ROBO2: variants seen among roughly 807,000 people sequenced by gnomAD.
The protein encoded by ROBO2 is roundabout homolog 2.
A neutral mutation model predicts 160.8 loss-of-function variants in ROBO2; 53 were observed. The ratio of observed to expected loss-of-function variants is 0.33; its 90% confidence interval spans 0.26 to 0.41. ROBO2 has a LOEUF of 0.41. ROBO2 is among the 10% of genes least tolerant of loss of function. ROBO2 has a pLI of 1.00. For synonymous variants in ROBO2, 664 were observed against 611.7 expected, an observed-to-expected ratio of 1.09 and a Z score of -1.26; for missense variants, 1,577 against 1,722.4, an observed-to-expected ratio of 0.92 and a Z score of 1.49.
At chr3:76,407,475 T>A (rs1302007082) in intron 2 of ROBO2, among the ~76,000 whole-genome samples, 1 of 144,436 alleles carries the variant, frequency 6.9e-6, no homozygotes, top group Non-Finnish European at 1.5e-5. Context: ...CAACATAGTA[T>A]GTTTGAAGCA....
intron 2 of ROBO2, among the ~76,000 whole-genome samples, chr3:76,228,262 T>C (rs1164878901): frequency 3.3e-5 from 5 of 152,222 alleles, no homozygotes; most frequent in Non-Finnish European, 7.4e-5. Flanking sequence ...AGACAGCAAA[T>C]GGATTATGGC....
At chr3:76,219,512 G>A (rs368811684) in intron 2 of ROBO2, among the ~76,000 whole-genome samples, 252 of 152,158 alleles carry the variant, frequency 1.7e-3, no homozygotes, top group African/African-American at 3.1e-3. Context: ...AAAAGTGGGC[G>A]AAGGACATGA....
chr3:77,468,594 G>T (rs1406388756), intron 2 of ROBO2, among the ~76,000 whole-genome samples: 3 of 152,164 alleles, frequency 2.0e-5, no homozygotes, highest in Admixed American at 6.5e-5. Flanking sequence ...CTAAAAAAAG[G>T]ATTCAAGAAT....
At chr3:77,623,321 C>G (rs1281535850) in intron 23 of ROBO2, among the ~76,000 whole-genome samples, 1 of 152,188 alleles carries the variant, frequency 6.6e-6, no homozygotes, top group African/African-American at 2.4e-5. Context: ...CCACTCATAT[C>G]TGTATTTACC....
chr3:77,463,429 G>C (rs1280459152), intron 2 of ROBO2, among the ~76,000 whole-genome samples: 3 of 151,948 alleles, frequency 2.0e-5, no homozygotes, highest in Non-Finnish European at 2.9e-5. Context: ...TTTGTTTTTA[G>C]AATTATATTA....
At chr3:77,160,537 A>T (rs1036750950) in intron 2 of ROBO2, among the ~76,000 whole-genome samples, 22 of 152,132 alleles carry the variant, frequency 1.4e-4, no homozygotes, top group African/African-American at 5.1e-4. Context: ...TATGTCAGAG[A>T]GGCTGATATA....
chr3:77,080,784 A>G (rs2068573013), intron 1 of ROBO2, among the ~76,000 whole-genome samples: 1 of 152,142 alleles, frequency 6.6e-6, no homozygotes, highest in Admixed American at 6.6e-5. Context: ...AAGCTTGAAA[A>G]CATTTGCTCG....
At chr3:76,362,886 C>A (rs530012938) in intron 2 of ROBO2, among the ~76,000 whole-genome samples, 1 of 152,014 alleles carries the variant, frequency 6.6e-6, no homozygotes, top group East Asian at 1.9e-4. Flanking sequence ...GAAACTGTTA[C>A]GCCAGTCACT....
chr3:77,513,952 A>C (rs1387203827), intron 5 of ROBO2, among the ~76,000 whole-genome samples: 1 of 151,854 alleles, frequency 6.6e-6, no homozygotes, highest in Non-Finnish European at 1.5e-5. Flanking sequence ...CTTGGCAACA[A>C]TGACTGCATT....
chr3:76,510,261 T>G (rs2107740015), intron 2 of ROBO2, among the ~76,000 whole-genome samples: 1 of 152,348 alleles, frequency 6.6e-6, no homozygotes, highest in Non-Finnish European at 1.5e-5. Flanking sequence ...GGTAAGCATT[T>G]ATGTTCATCT....
In ROBO2 at chr3:77,562,783, C is replaced by T. The variant is rs1281543140; in HGVS notation, c.1519+51C>T. 4.0e-6 allele frequency: 5 copies of T among 1,252,806 alleles called. No individual in the cohort carries two copies. The Admixed American group carries it at 5.1e-5, about 13-fold the overall frequency. The allele number at this position is 1,252,806 out of a possible 1,614,324, so 77.6% of individuals were successfully genotyped here. A position where few individuals can be genotyped will look rare whatever the true frequency, so the allele number is the denominator to read the frequency against. On this transcript the variant is annotated intron_variant, in intron 10 of 25. Coordinates refer to ENST00000461745, the Ensembl canonical transcript of ROBO2. Reference sequence around the variant, plus strand: ...ATCTTGGGCCCCTTTTCTGATAGCTCAATATCAAATAATAAGTTAAGGGGG... The same window carrying T: ...ATCTTGGGCCCCTTTTCTGATAGCTTAATATCAAATAATAAGTTAAGGGGG...
At chr3:77,649,676 A>G (rs909841909) in exon 26 of ROBO2, 3 of 152,202 alleles carry the variant, frequency 2.0e-5, no homozygotes, top group Non-Finnish European at 4.4e-5. Context: ...TGTTCAATTT[A>G]CTAATTTTTT....
chr3:77,339,293 G>A (rs1253328664), intron 2 of ROBO2, among the ~76,000 whole-genome samples: 1 of 152,030 alleles, frequency 6.6e-6, no homozygotes, highest in East Asian at 1.9e-4. Flanking sequence ...GTAATTAAAT[G>A]AGCAAAGATA....
chr3:76,244,622 C>T (rs184261875), intron 2 of ROBO2, among the ~76,000 whole-genome samples: 6 of 152,202 alleles, frequency 3.9e-5, no homozygotes, highest in East Asian at 1.9e-4. Context: ...GCCTAACTTA[C>T]GGCCTAATTA....
chr3:76,255,675 GATTTAA>G (rs1381392259), intron 2 of ROBO2, among the ~76,000 whole-genome samples: 1 of 152,080 alleles, frequency 6.6e-6, no homozygotes, highest in African/African-American at 2.4e-5. Flanking sequence ...ATGGTTTATA[GATTTAA>G]ATTTAAGAGT....
At chr3:77,055,288 G>A (rs1415795031) in intron 1 of ROBO2, among the ~76,000 whole-genome samples, 1 of 152,134 alleles carries the variant, frequency 6.6e-6, no homozygotes, top group Non-Finnish European at 1.5e-5. Context: ...TATTAGGGGT[G>A]TCTATATAAA....
At chr3:77,387,894 G>T (rs560011962) in intron 2 of ROBO2, among the ~76,000 whole-genome samples, 1 of 152,078 alleles carries the variant, frequency 6.6e-6, no homozygotes, top group Admixed American at 6.6e-5. Flanking sequence ...CCTCCATCCT[G>T]CTTTTCCCCT....
intron 2 of ROBO2, among the ~76,000 whole-genome samples, chr3:77,400,096 C>T (rs1457477519): frequency 1.3e-5 from 2 of 152,166 alleles, no homozygotes; most frequent in East Asian, 3.8e-4. Context: ...AAAGCATTGA[C>T]ATTGATTAAA....
chr3:77,538,087 A>G (rs2092250389), intron 6 of ROBO2, among the ~76,000 whole-genome samples: 1 of 147,172 alleles, frequency 6.8e-6, no homozygotes, highest in Admixed American at 6.9e-5. Context: ...CACTCATCTA[A>G]AGGATTTATT....
Sources: allele counts gnomAD v4.1 joint callset (sites outside exome capture counted in the v4.1 genomes callset), GRCh38; gene constraint gnomAD v4.1.1; transcripts MANE v1.5; gene names NCBI Gene and HGNC (gene_info 2026-07-23, HGNC 2026-07-21).